Variants in R3HDM2 observed in about 807,000 individuals in gnomAD.
The protein encoded by R3HDM2 is R3H domain containing 2, also known as R3H domain-containing protein 2.
R3HDM2 carries 38 observed loss-of-function variants against 124.5 expected under a neutral mutation model. The observed-to-expected ratio is 0.31, with a 90% CI of 0.24 to 0.40. The LOEUF (loss-of-function observed/expected upper bound fraction) is 0.40, where lower values mean the gene tolerates loss of function less well. Ranked by LOEUF, R3HDM2 falls within the 10% of genes least tolerant of loss-of-function variation. The pLI, the probability that R3HDM2 is intolerant of heterozygous loss-of-function variation, is 1.00. For missense variants in R3HDM2, 869 were observed against 1,236.9 expected, an observed-to-expected ratio of 0.70 and a Z score of 4.46; for synonymous variants, 391 against 448.0, an observed-to-expected ratio of 0.87 and a Z score of 1.61.
chr12:57,304,088 G>C (rs1276608876), intron 3 of R3HDM2, among the ~76,000 whole-genome samples: 1 of 152,124 alleles, frequency 6.6e-6, no homozygotes, highest in African/African-American at 2.4e-5. Context: ...CAAAATATCT[G>C]TTCCTATAGC....
At chr12:57,317,986 C>A (rs1392882819) in intron 2 of R3HDM2, among the ~76,000 whole-genome samples, 25 of 52,032 alleles carry the variant, frequency 4.8e-4, no homozygotes, top group Non-Finnish European at 1.1e-3. Flanking sequence ...TCCCCGCCCC[C>A]CCAAAAAAAA....
chr12:57,375,408 A>G (rs538906502), intron 2 of R3HDM2, among the ~76,000 whole-genome samples: 1 of 152,328 alleles, frequency 6.6e-6, no homozygotes, highest in South Asian at 2.1e-4. Flanking sequence ...GCAAACCAAC[A>G]TATAATCAGA....
At chr12:57,358,948 C>T (rs547031499) in intron 2 of R3HDM2, among the ~76,000 whole-genome samples, 2 of 150,632 alleles carry the variant, frequency 1.3e-5, no homozygotes, top group African/African-American at 2.4e-5. Flanking sequence ...GAGGGAGTCT[C>T]GCTCTGTCAC....
intron 14 of R3HDM2, among the ~76,000 whole-genome samples, chr12:57,278,494 GA>G (rs200179603): frequency 0.012 from 1,859 of 150,626 alleles, 35 homozygotes; most frequent in African/African-American, 0.041. Flanking sequence ...ACATTTTAGG[GA>G]AAAAAAAACC....
chr12:57,355,480 A>G (rs2061177121), intron 2 of R3HDM2, among the ~76,000 whole-genome samples: 1 of 151,754 alleles, frequency 6.6e-6, no homozygotes. Flanking sequence ...AAAGAAAGAA[A>G]AAAAAAAGAA....
intron 2 of R3HDM2, among the ~76,000 whole-genome samples, chr12:57,379,502 C>T (rs2064549770): frequency 6.6e-6 from 1 of 151,992 alleles, no homozygotes; most frequent in Admixed American, 6.6e-5. Context: ...ACAGCTTGAA[C>T]CTGGGAGGAG....
At chr12:57,303,288 T>C in intron 3 of R3HDM2, 71 bp from the exon 4 acceptor site, 1 of 1,340,940 alleles carries the variant, frequency 7.5e-7, no homozygotes, top group South Asian at 1.3e-5. Context: ...CAATACATGT[T>C]TATAAAGAAA....
At chr12:57,377,223 A>G (rs929598110) in intron 2 of R3HDM2, among the ~76,000 whole-genome samples, 2 of 152,052 alleles carry the variant, frequency 1.3e-5, no homozygotes, top group Non-Finnish European at 2.9e-5. Context: ...AACTTAAACC[A>G]GTAACTAACA....
chr12:57,386,980 T>C (rs1427166457), intron 2 of R3HDM2, among the ~76,000 whole-genome samples: 2 of 152,050 alleles, frequency 1.3e-5, no homozygotes, highest in African/African-American at 4.8e-5. Flanking sequence ...TCAAGGTTTG[T>C]AAATACACCA....
At chr12:57,372,654 A>C (rs1332628409) in intron 2 of R3HDM2, among the ~76,000 whole-genome samples, 41 of 152,198 alleles carry the variant, frequency 2.7e-4, no homozygotes, top group Non-Finnish European at 1.5e-5. Context: ...ATGACATAGG[A>C]AGATATGTTT....
At chr12:57,331,485 A>T (rs972836478) in intron 2 of R3HDM2, among the ~76,000 whole-genome samples, 1 of 152,168 alleles carries the variant, frequency 6.6e-6, no homozygotes, top group Admixed American at 6.5e-5. Flanking sequence ...CCCAAGGTAC[A>T]CTCAAAGAGG....
At chr12:57,284,301 T>C (rs796993056) in intron 12 of R3HDM2, among the ~76,000 whole-genome samples, 1 of 152,278 alleles carries the variant, frequency 6.6e-6, no homozygotes, top group African/African-American at 2.4e-5. Context: ...ACTAATTTAA[T>C]ACATCAGACC....
At chr12:57,269,137 T>C in intron 16 of R3HDM2, 55 bp from the exon 17 acceptor site, 1 of 1,595,150 alleles carries the variant, frequency 6.3e-7, no homozygotes, top group East Asian at 2.2e-5. Context: ...GAGGTCACAC[T>C]CTATCTGTAA....
chr12:57,376,885 C>T (rs944927344), intron 2 of R3HDM2, among the ~76,000 whole-genome samples: 7 of 151,330 alleles, frequency 4.6e-5, no homozygotes, highest in Admixed American at 1.3e-4. Flanking sequence ...CAGGAGGCGG[C>T]GGTTGCAATG....
chr12:57,337,835 C>T (rs890204704), intron 2 of R3HDM2, among the ~76,000 whole-genome samples: 3 of 152,202 alleles, frequency 2.0e-5, no homozygotes, highest in Non-Finnish European at 2.9e-5. Flanking sequence ...CTAATAATAG[C>T]AGCAGCTATC....
chr12:57,388,984 T>C (rs939023742), intron 2 of R3HDM2, among the ~76,000 whole-genome samples: 4 of 152,146 alleles, frequency 2.6e-5, no homozygotes, highest in African/African-American at 9.7e-5. Context: ...TCACCAAATA[T>C]TTCAATCCTT....
chr12:57,410,633 G>A (rs1005996942), intron 1 of R3HDM2, among the ~76,000 whole-genome samples: 5 of 152,148 alleles, frequency 3.3e-5, no homozygotes, highest in Non-Finnish European at 5.9e-5. Flanking sequence ...CAGGAAGATC[G>A]CCTGAGGCCA....
chr12:57,373,344 C>T (rs1477828910), intron 2 of R3HDM2, among the ~76,000 whole-genome samples: 1 of 151,534 alleles, frequency 6.6e-6, no homozygotes, highest in Non-Finnish European at 1.5e-5. Flanking sequence ...ACTAAAAATA[C>T]AAAAAATTAG....
chr12:57,256,119 G>A, intron 22 of R3HDM2, 45 bp from the exon 23 acceptor site: 1 of 1,551,562 alleles, frequency 6.4e-7, no homozygotes, highest in Non-Finnish European at 8.9e-7. Flanking sequence ...AAACAACATT[G>A]ACTGCCTTGC....
Sources: gnomAD v4.1 joint callset for allele counts (sites outside exome capture counted in the v4.1 genomes callset) on GRCh38, gnomAD v4.1.1 for gene constraint, MANE v1.5 for transcripts, NCBI Gene and HGNC (gene_info 2026-07-23, HGNC 2026-07-21) for gene names.